The following AHI1 variants were observed in gnomAD, a reference collection of about 807,000 sequenced individuals.
AHI1 encodes the protein jouberin.
AHI1 carries 123 observed loss-of-function variants against 149.3 expected under a neutral mutation model. The ratio of observed to expected loss-of-function variants is 0.82; its 90% CI spans 0.71 to 0.96. The LOEUF (loss-of-function observed/expected upper bound fraction) is 0.96, where lower values mean the gene tolerates loss of function less well. Among genes scored for constraint, AHI1 ranks in the 40% least tolerant of loss-of-function variants. AHI1 has a pLI of 0.00. For synonymous variants in AHI1, 475 were observed against 459.8 expected (o/e 1.03, Z -0.42); for missense variants, 1,439 against 1,422.7 (o/e 1.01, Z -0.18).
chr6:135,418,550 AGGAC>A, intron 20 of AHI1, among the ~76,000 whole-genome samples: 1 of 152,238 alleles, frequency 6.6e-6, no homozygotes, highest in Middle Eastern at 3.4e-3. Context: ...TACAGGAGGA[AGGAC>A]GGAGGAAATA....
intron 24 of AHI1, among the ~76,000 whole-genome samples, chr6:135,354,159 A>C (rs1184497226): frequency 6.6e-6 from 1 of 152,140 alleles, no homozygotes; most frequent in Non-Finnish European, 1.5e-5. Context: ...TTGCTAAAAG[A>C]AGCTTTGTTC....
rs529686846 is a variant in AHI1 at position 135,431,889 on chromosome 6, T to C, written c.2267-575A>G. 5.9e-5 allele frequency among the ~76,000 whole-genome samples: 9 copies of C among 152,258 alleles called. No individual in the cohort carries two copies. The East Asian group carries it at 1.7e-3, about 29-fold the overall frequency. ...GTATTTTATAAAACAGCTATTCAAC[T>C]GGTGAACTGCTTCCTGTATTAAAAT... On this transcript the variant is annotated intron_variant, in intron 16 of 28. Coordinates refer to ENST00000265602, the MANE Select transcript of AHI1 (RefSeq NM_001134831.2).
chr6:135,392,868 A>T (rs1393336578), intron 23 of AHI1, among the ~76,000 whole-genome samples: 4 of 152,154 alleles, frequency 2.6e-5, no homozygotes, highest in Non-Finnish European at 5.9e-5. Flanking sequence ...CTGGTTCCTA[A>T]GGCAGGATTT....
At chr6:135,490,207 C>T (rs1414449514) in intron 5 of AHI1, 1 of 725,436 alleles carries the variant, frequency 1.4e-6, no homozygotes, top group Non-Finnish European at 2.6e-6. Flanking sequence ...TACCATACGG[C>T]CATTGATTTC....
At chr6:135,426,622 T>G (rs1783948547) in intron 20 of AHI1, among the ~76,000 whole-genome samples, 1 of 151,582 alleles carries the variant, frequency 6.6e-6, no homozygotes, top group Non-Finnish European at 1.5e-5. Flanking sequence ...GGATAGAAAT[T>G]AAAGAAATAT....
chr6:135,481,047 C>T (rs922402647), intron 5 of AHI1, among the ~76,000 whole-genome samples: 25 of 152,238 alleles, frequency 1.6e-4, no homozygotes, highest in Admixed American at 8.5e-4. Context: ...AGGTTGGGGA[C>T]GGCTGGATTA....
intron 24 of AHI1, among the ~76,000 whole-genome samples, chr6:135,353,764 T>C (rs1792527390): frequency 6.6e-6 from 1 of 152,172 alleles, no homozygotes; most frequent in Non-Finnish European, 1.5e-5. Context: ...TGGCAAACAA[T>C]ATTACAAACA....
chr6:135,412,383 T>C (rs959717522), intron 20 of AHI1, among the ~76,000 whole-genome samples: 5 of 152,230 alleles, frequency 3.3e-5, no homozygotes, highest in Admixed American at 6.5e-5. Flanking sequence ...CAGTCCTCTA[T>C]AGATAACAAG....
intron 14 of AHI1, among the ~76,000 whole-genome samples, chr6:135,441,743 A>T (rs1308658968): frequency 6.6e-6 from 1 of 152,166 alleles, no homozygotes; most frequent in Non-Finnish European, 1.5e-5. Context: ...TTCCCTCTAC[A>T]TATGGGTTTT....
At chr6:135,349,734 T>C (rs767130792) in intron 24 of AHI1, among the ~76,000 whole-genome samples, 16 of 152,226 alleles carry the variant, frequency 1.1e-4, no homozygotes, top group Non-Finnish European at 1.9e-4. Context: ...TTTTCTGCTC[T>C]AATATATTGT....
At chr6:135,446,574 A>G (rs1417614840) in intron 13 of AHI1, among the ~76,000 whole-genome samples, 2 of 152,196 alleles carry the variant, frequency 1.3e-5, no homozygotes, top group Non-Finnish European at 2.9e-5. Flanking sequence ...CCTTATAAGA[A>G]AAGACGCGAG....
chr6:135,423,587 T>A (rs1281705116), intron 20 of AHI1, among the ~76,000 whole-genome samples: 5 of 152,172 alleles, frequency 3.3e-5, no homozygotes, highest in Non-Finnish European at 7.4e-5. Context: ...TGCTTTTTGG[T>A]TTAAATTTCT....
intron 15 of AHI1, among the ~76,000 whole-genome samples, chr6:135,434,604 A>G (rs1785129202): frequency 6.6e-6 from 1 of 152,072 alleles, no homozygotes; most frequent in African/African-American, 2.4e-5. Context: ...AAATAAAAGT[A>G]AAGCTTTTTG....
chr6:135,305,535 T>C (rs1784441102), intron 26 of AHI1, among the ~76,000 whole-genome samples: 1 of 152,334 alleles, frequency 6.6e-6, no homozygotes. Context: ...GATGTTTCAA[T>C]TAGAAAGTCA....
At chr6:135,482,909 T>TTTTTTTTTTTTTTTTTTTTTAA (rs6149820) in intron 5 of AHI1, among the ~76,000 whole-genome samples, 1 of 141,774 alleles carries the variant, frequency 7.1e-6, no homozygotes, top group Admixed American at 7.2e-5. Flanking sequence ...TTTTTTTTTT[T>TTTTTTTTTTTTTTTTTTTTTAA]GAGACAGAGT....
At chr6:135,290,146 T>C (rs1243105893) in intron 28 of AHI1, among the ~76,000 whole-genome samples, 1 of 152,228 alleles carries the variant, frequency 6.6e-6, no homozygotes, top group East Asian at 1.9e-4. Context: ...TGCCTAGCTT[T>C]TTCTTTCCTT....
chr6:135,459,183 T>C (rs1789469668), intron 8 of AHI1, among the ~76,000 whole-genome samples: 1 of 152,148 alleles, frequency 6.6e-6, no homozygotes, highest in Non-Finnish European at 1.5e-5. Flanking sequence ...TCATTCATAA[T>C]ATGTTATCTG....
intron 10 of AHI1, among the ~76,000 whole-genome samples, chr6:135,454,201 T>C (rs1380849616): frequency 6.6e-6 from 1 of 152,126 alleles, no homozygotes; most frequent in African/African-American, 2.4e-5. Flanking sequence ...GACCCATAGA[T>C]GGTCACCATT....
chr6:135,323,227 C>CA lies in AHI1; in HGVS notation c.3262dup (p.Trp1088LeufsTer17). The CA allele has an allele frequency of 1.2e-6, 2 of 1,613,802 alleles. No individual in the cohort carries two copies. The highest frequency in any genetic ancestry group is 1.7e-6 in the Non-Finnish European group (2 of 1,179,792). ...TCCCTTTCCTATGCTGCCATACCAC[C>CA]AGTCTTCATTATCTTTGAAAAACAC... On this transcript the variant is annotated frameshift_variant, in exon 25 of 29. Coordinates refer to ENST00000265602, the MANE Select transcript of AHI1 (RefSeq NM_001134831.2). LOFTEE classifies it high-confidence loss of function.
Sources: allele counts gnomAD v4.1 joint callset (sites outside exome capture counted in the v4.1 genomes callset), GRCh38; gene constraint gnomAD v4.1.1; transcripts MANE v1.5; gene names NCBI Gene and HGNC (gene_info 2026-07-23, HGNC 2026-07-21).